The following DCLK2 variants were observed in gnomAD, a reference collection of about 807,000 sequenced individuals.
DCLK2 encodes the protein serine/threonine-protein kinase DCLK2.
A neutral mutation model predicts 78.4 loss-of-function variants in DCLK2; 31 were observed. That is an observed-to-expected ratio of 0.40 (90% confidence interval 0.30 to 0.53). The LOEUF (loss-of-function observed/expected upper bound fraction) is 0.53, where lower values mean the gene tolerates loss of function less well. Among genes scored for constraint, DCLK2 ranks in the 20% least tolerant of loss-of-function variants. The pLI, the probability that DCLK2 is intolerant of heterozygous loss-of-function variation, is 0.61. For synonymous variants in DCLK2, 407 were observed against 374.9 expected, an observed-to-expected ratio of 1.09 and a Z score of -0.99; for missense variants, 872 against 973.7, an observed-to-expected ratio of 0.90 and a Z score of 1.39.
intron 10 of DCLK2, among the ~76,000 whole-genome samples, chr4:150,234,069 C>T (rs1265157370): frequency 1.3e-5 from 2 of 152,150 alleles, no homozygotes; most frequent in Non-Finnish European, 2.9e-5. Flanking sequence ...ACAGATTCCT[C>T]CATCCTCAGT....
chr4:150,137,223 G>A (rs555687980), intron 2 of DCLK2, among the ~76,000 whole-genome samples: 24 of 152,102 alleles, frequency 1.6e-4, no homozygotes, highest in African/African-American at 5.3e-4. Flanking sequence ...GAGTAGGGTG[G>A]AGTTAGCTGG....
At chr4:150,091,565 A>T (rs764868212) in intron 1 of DCLK2, among the ~76,000 whole-genome samples, 3 of 152,188 alleles carry the variant, frequency 2.0e-5, no homozygotes, top group Non-Finnish European at 2.9e-5. Context: ...TCCAAATTTT[A>T]TACAACTCAA....
intron 2 of DCLK2, among the ~76,000 whole-genome samples, chr4:150,130,422 A>G (rs188880988): frequency 2.8e-4 from 42 of 152,182 alleles, no homozygotes; most frequent in East Asian, 1.5e-3. Context: ...GACTGTTCCC[A>G]TCCATCACCC....
At chr4:150,188,904 C>CAAAA (rs59096633) in intron 2 of DCLK2, among the ~76,000 whole-genome samples, 4 of 94,122 alleles carry the variant, frequency 4.2e-5, no homozygotes, top group African/African-American at 1.2e-4. Flanking sequence ...GACTCTGTCT[C>CAAAA]AAAAAAAAAA....
chr4:150,239,617 A>G, intron 10 of DCLK2, 125 bp from the exon 11 acceptor site: 1 of 1,308,752 alleles, frequency 7.6e-7, no homozygotes, highest in Non-Finnish European at 1.1e-6. Flanking sequence ...AAAAAATCAC[A>G]AGGAGAGATT....
intron 2 of DCLK2, among the ~76,000 whole-genome samples, chr4:150,109,314 G>T (rs1420099898): frequency 1.3e-5 from 2 of 149,724 alleles, no homozygotes; most frequent in Non-Finnish European, 3.0e-5. Flanking sequence ...TTCTCACCCT[G>T]TTCCCAATGC....
At chr4:150,180,750 C>T (rs1043299416) in intron 2 of DCLK2, among the ~76,000 whole-genome samples, 1 of 152,132 alleles carries the variant, frequency 6.6e-6, no homozygotes, top group Non-Finnish European at 1.5e-5. Context: ...AGGCAGGCCA[C>T]GGAAACTAGA....
chr4:150,186,862 C>CAGCCTG (rs1442595454), intron 2 of DCLK2, among the ~76,000 whole-genome samples: 1 of 151,010 alleles, frequency 6.6e-6, no homozygotes, highest in Non-Finnish European at 1.5e-5. Flanking sequence ...CACTGCACTC[C>CAGCCTG]AGCCTGGGCA....
At chr4:150,207,403 G>T (rs1287392122) in intron 5 of DCLK2, among the ~76,000 whole-genome samples, 1 of 152,074 alleles carries the variant, frequency 6.6e-6, no homozygotes, top group East Asian at 1.9e-4. Context: ...TTAATATTTT[G>T]GTAGGGGCAT....
chr4:150,087,569 G>T (rs770675036), intron 1 of DCLK2, among the ~76,000 whole-genome samples: 32 of 152,140 alleles, frequency 2.1e-4, no homozygotes, highest in Non-Finnish European at 4.6e-4. Context: ...AAAGATACAG[G>T]GGAAGTTGTC....
intron 2 of DCLK2, among the ~76,000 whole-genome samples, chr4:150,125,818 G>C (rs1732883927): frequency 6.6e-6 from 1 of 152,054 alleles, no homozygotes; most frequent in African/African-American, 2.4e-5. Context: ...TTGAACCCGG[G>C]AGGCGGAGGT....
intron 1 of DCLK2, among the ~76,000 whole-genome samples, chr4:150,092,476 A>G (rs1208090695): frequency 6.6e-6 from 1 of 152,086 alleles, no homozygotes; most frequent in Non-Finnish European, 1.5e-5. Flanking sequence ...ACCTTTTTTA[A>G]AAAAACCCAT....
chr4:150,121,223 A>G (rs1732517035), intron 2 of DCLK2, among the ~76,000 whole-genome samples: 1 of 123,900 alleles, frequency 8.1e-6, no homozygotes, highest in Non-Finnish European at 1.7e-5. Flanking sequence ...TAACACAAGA[A>G]TGTGTGATAT....
Position 150,197,860 on chromosome 4 carries a change from A to G in DCLK2, c.860-142A>G, listed in dbSNP as rs1171872198. 3 of 571,596 alleles carry G rather than the reference A, an allele frequency of 5.2e-6. No homozygotes were observed. In the African/African-American group the frequency reaches 5.9e-5, roughly 11 times the overall value. The allele number at this position is 571,596 out of a possible 1,614,324, so 35.4% of individuals were successfully genotyped here. A position where few individuals can be genotyped will look rare whatever the true frequency, so the allele number is the denominator to read the frequency against. The stretch of plus-strand genomic sequence containing the variant: ...AGGTAAACTCAGGTGTACTTTTGGG[A>G]CAATTGCTTTGTATGTTAAATTGTT... On this transcript the variant is annotated intron_variant, in intron 3 of 15. Coordinates refer to ENST00000296550, the MANE Select transcript of DCLK2 (RefSeq NM_001040260.4).
At chr4:150,232,956 C>T (rs1436033057) in intron 10 of DCLK2, 128 bp downstream of exon 10, 1 of 1,200,202 alleles carries the variant, frequency 8.3e-7, no homozygotes, top group Non-Finnish European at 1.2e-6. Context: ...AGAAAATTAG[C>T]AAGACTTATG....
At chr4:150,162,547 A>G (rs1735777332) in intron 2 of DCLK2, among the ~76,000 whole-genome samples, 1 of 152,196 alleles carries the variant, frequency 6.6e-6, no homozygotes, top group Admixed American at 6.5e-5. Flanking sequence ...AGATATTTTA[A>G]ATTAATTTAT....
At chr4:150,080,555 G>A (rs898179169) in intron 1 of DCLK2, among the ~76,000 whole-genome samples, 5 of 152,208 alleles carry the variant, frequency 3.3e-5, no homozygotes, top group Non-Finnish European at 4.4e-5. Flanking sequence ...TGTAGTCATA[G>A]CAATAGCTTG....
At chr4:150,121,534 A>G (rs1158613246) in intron 2 of DCLK2, among the ~76,000 whole-genome samples, 2 of 152,218 alleles carry the variant, frequency 1.3e-5, no homozygotes, top group Non-Finnish European at 2.9e-5. Context: ...CACATCTGCA[A>G]TGACTTCTTT....
At chr4:150,091,701 A>G (rs1730085869) in intron 1 of DCLK2, among the ~76,000 whole-genome samples, 1 of 152,004 alleles carries the variant, frequency 6.6e-6, no homozygotes, top group South Asian at 2.1e-4. Flanking sequence ...AGTAGCCTAA[A>G]ACTGCTATTG....
Sources: allele counts gnomAD v4.1 joint callset (sites outside exome capture counted in the v4.1 genomes callset), GRCh38; gene constraint gnomAD v4.1.1; transcripts MANE v1.5; gene names NCBI Gene and HGNC (gene_info 2026-07-23, HGNC 2026-07-21).